The following CSMD1 variants were observed in gnomAD, a reference collection of about 807,000 sequenced individuals.
CSMD1 encodes CUB and Sushi multiple domains 1, also known as CUB and sushi domain-containing protein 1.
A neutral mutation model predicts 417.5 loss-of-function variants in CSMD1; 213 were observed. The ratio of observed to expected loss-of-function variants is 0.51; its 90% CI spans 0.46 to 0.57. The LOEUF (loss-of-function observed/expected upper bound fraction) is 0.57. Among genes scored for constraint, CSMD1 ranks in the 20% least tolerant of loss-of-function variants. CSMD1 has a pLI of 0.00. For synonymous variants in CSMD1, 2,862 were observed against 1,736.8 expected (o/e 1.65, Z -16.11); for missense variants, 6,923 against 4,529.7 (o/e 1.53, Z -15.17).
intron 10 of CSMD1, among the ~76,000 whole-genome samples, chr8:3,538,315 C>T (rs1798289750): frequency 1.3e-5 from 2 of 151,944 alleles, no homozygotes; most frequent in South Asian, 2.1e-4. Context: ...GGTACACGTG[C>T]GATGCCTCAT....
intron 3 of CSMD1, among the ~76,000 whole-genome samples, chr8:4,412,187 C>G (rs1243371573): frequency 6.6e-6 from 1 of 152,126 alleles, no homozygotes; most frequent in Non-Finnish European, 1.5e-5. Context: ...TGTCAACGTG[C>G]AAACCTCATG....
intron 26 of CSMD1, among the ~76,000 whole-genome samples, chr8:3,263,782 G>T (rs1360510836): frequency 2.0e-5 from 3 of 152,140 alleles, no homozygotes; most frequent in African/African-American, 7.2e-5. Flanking sequence ...AATGAATTGT[G>T]ACTTCTCTGA....
At position 3,840,693 on chromosome 8, in the gene CSMD1, A is replaced by ATT. The variant is rs34360211; in HGVS notation, c.819-86653_819-86652dup. Reference sequence around the variant, plus strand: ...ACAGTGACCTCAATTCTTTTTTTTAATTTTTTTTTTTTTTTTGACACGGAA... The same window carrying ATT: ...ACAGTGACCTCAATTCTTTTTTTTAATTTTTTTTTTTTTTTTTTGACACGGAA... On this transcript the variant is annotated intron_variant, in intron 5 of 69. Transcript: ENST00000635120. 9.0e-3 allele frequency among the ~76,000 whole-genome samples: 1,209 copies of ATT among 134,788 alleles called. 11 individuals carry two copies. Among genetic ancestry groups the ATT allele is most frequent in the African/African-American group, 0.011 (399 of 36,006 alleles). 88.4% of individuals were successfully genotyped at this position (134,788 alleles called of 152,430 possible). A position where few individuals can be genotyped will look rare whatever the true frequency, so the allele number is the denominator to read the frequency against.
intron 52 of CSMD1, 36 bp from the exon 53 acceptor site, chr8:3,000,167 T>A (rs1316108307): frequency 6.8e-7 from 1 of 1,471,126 alleles, no homozygotes; most frequent in Admixed American, 2.0e-5. Context: ...ATTTAGAGTG[T>A]CTGTCATTTA....
chr8:3,308,191 A>ACT (rs1805037257), intron 24 of CSMD1, 121 bp downstream of exon 24: 1 of 723,210 alleles, frequency 1.4e-6, no homozygotes, highest in Non-Finnish European at 2.1e-6. Flanking sequence ...AATACATAAA[A>ACT]CTCACACTGG....
chr8:4,688,667 T>C (rs1038655930), intron 1 of CSMD1, among the ~76,000 whole-genome samples: 17 of 152,166 alleles, frequency 1.1e-4, no homozygotes, highest in African/African-American at 4.8e-5. Context: ...GAACAATGCT[T>C]CCTATTTACA....
chr8:3,722,694 A>T (rs1364786609), intron 6 of CSMD1, among the ~76,000 whole-genome samples: 1 of 152,104 alleles, frequency 6.6e-6, no homozygotes, highest in Non-Finnish European at 1.5e-5. Context: ...CCTAGGATCA[A>T]TTTTTCTGGA....
chr8:4,324,752 T>A (rs1006637606), intron 3 of CSMD1, among the ~76,000 whole-genome samples: 2 of 152,224 alleles, frequency 1.3e-5, no homozygotes, highest in South Asian at 4.1e-4. Flanking sequence ...CAGTTTATTT[T>A]GTTTCAGCCC....
chr8:4,270,173 C>A (rs573325227), intron 3 of CSMD1, among the ~76,000 whole-genome samples: 3 of 152,262 alleles, frequency 2.0e-5, no homozygotes, highest in Middle Eastern at 6.8e-3. Flanking sequence ...AGGAGGCAAG[C>A]GGTTAGAAAG....
chr8:3,261,157 A>C (rs1360817667), intron 26 of CSMD1, among the ~76,000 whole-genome samples: 1 of 152,190 alleles, frequency 6.6e-6, no homozygotes, highest in Admixed American at 6.5e-5. Flanking sequence ...AATTTCTACT[A>C]TATATGTTTT....
At position 4,870,088 on chromosome 8, in the gene CSMD1, T is replaced by C. The variant is rs182543781; in HGVS notation, c.85+124244A>G. Among the ~76,000 whole-genome samples, 56 of 152,246 alleles carry C rather than the reference T, an allele frequency of 3.7e-4. 2 individuals are homozygous for C. Among genetic ancestry groups the C allele is most frequent in the African/African-American group, 1.3e-3 (56 of 41,514 alleles). ...AAGACTTTTGTGAATAAAAGTGATA[T>C]TCAATATTGCACACTCTTGATTTAT... is the stretch of plus-strand genomic sequence containing the variant. On this transcript the variant is annotated intron_variant, in intron 1 of 69. Coordinates refer to ENST00000635120, the MANE Select transcript of CSMD1 (RefSeq NM_033225.6).
At chr8:4,215,297 C>G (rs1331066701) in intron 3 of CSMD1, among the ~76,000 whole-genome samples, 2 of 152,164 alleles carry the variant, frequency 1.3e-5, no homozygotes, top group African/African-American at 4.8e-5. Flanking sequence ...TTCATCTCCT[C>G]CCTCCCCACC....
chr8:4,531,188 T>G (rs550987439), intron 2 of CSMD1, among the ~76,000 whole-genome samples: 1 of 152,312 alleles, frequency 6.6e-6, no homozygotes, highest in East Asian at 1.9e-4. Context: ...TATATCGCCA[T>G]GTAATCAGTG....
chr8:4,259,113 C>T (rs1245313393), intron 3 of CSMD1, among the ~76,000 whole-genome samples: 2 of 152,136 alleles, frequency 1.3e-5, no homozygotes, highest in African/African-American at 4.8e-5. Flanking sequence ...AAAGGTCGTA[C>T]TTTAAATATC....
chr8:4,307,929 T>G (rs1030881859), intron 3 of CSMD1, among the ~76,000 whole-genome samples: 3 of 152,108 alleles, frequency 2.0e-5, no homozygotes, highest in African/African-American at 7.2e-5. Context: ...GACCCCCGGA[T>G]GCAAGGGTCT....
At chr8:4,864,905 C>G (rs902115068) in intron 1 of CSMD1, among the ~76,000 whole-genome samples, 1 of 121,984 alleles carries the variant, frequency 8.2e-6, no homozygotes, top group Non-Finnish European at 1.9e-5. Flanking sequence ...CAAACACACA[C>G]ACACACACTT....
At chr8:3,766,674 A>T (rs537088175) in intron 5 of CSMD1, among the ~76,000 whole-genome samples, 62 of 148,546 alleles carry the variant, frequency 4.2e-4, no homozygotes, top group African/African-American at 1.4e-3. Context: ...AAAATAATTT[A>T]AAAAAAAAAC....
chr8:2,960,899 T>C (rs1002707668), intron 62 of CSMD1, among the ~76,000 whole-genome samples: 43 of 148,272 alleles, frequency 2.9e-4, no homozygotes, highest in African/African-American at 1.0e-3. Flanking sequence ...TTAATTTCTA[T>C]ATGAAATTAT....
At chr8:4,705,125 C>G (rs1249005670) in intron 1 of CSMD1, among the ~76,000 whole-genome samples, 2 of 152,116 alleles carry the variant, frequency 1.3e-5, no homozygotes, top group African/African-American at 2.4e-5. Flanking sequence ...CTCTGTCTCT[C>G]CTGCCACCTT....
Sources: allele counts gnomAD v4.1 joint callset (sites outside exome capture counted in the v4.1 genomes callset), GRCh38; gene constraint gnomAD v4.1.1; transcripts MANE v1.5; gene names NCBI Gene and HGNC (gene_info 2026-07-23, HGNC 2026-07-21).